The following ZNF407 variants were observed in gnomAD, a reference collection of about 807,000 sequenced individuals.
ZNF407 encodes the protein zinc finger protein 407.
In ZNF407, 17 loss-of-function variants were observed where a neutral mutation model predicts 131.2. The observed-to-expected ratio is 0.13, with a 90% CI of 0.09 to 0.19. The LOEUF (loss-of-function observed/expected upper bound fraction) is 0.19. Among genes scored for constraint, ZNF407 ranks in the 10% least tolerant of loss-of-function variants. ZNF407 has a pLI of 1.00. For synonymous variants in ZNF407, 1,156 were observed against 1,062.0 expected (o/e 1.09, Z -1.72); for missense variants, 2,681 against 2,830.6 (o/e 0.95, Z 1.20).
chr18:74,969,984 G>A (rs1448941139), intron 8 of ZNF407, among the ~76,000 whole-genome samples: 2 of 152,120 alleles, frequency 1.3e-5, no homozygotes, highest in Admixed American at 6.5e-5. Context: ...ACAGTCTGGG[G>A]AGGTCTCAGA....
At chr18:74,943,937 A>G (rs1053722291) in intron 8 of ZNF407, among the ~76,000 whole-genome samples, 1 of 152,248 alleles carries the variant, frequency 6.6e-6, no homozygotes, top group African/African-American at 2.4e-5. Flanking sequence ...ATTATGCTAG[A>G]TATTACCTGT....
chr18:74,744,189 T>C (rs1302942368), intron 3 of ZNF407, among the ~76,000 whole-genome samples: 1 of 152,188 alleles, frequency 6.6e-6, no homozygotes, highest in Non-Finnish European at 1.5e-5. Flanking sequence ...TTATGTGTCA[T>C]CTACTTCGCT....
chr18:74,602,300 G>T (rs2144602947), intron 1 of ZNF407, among the ~76,000 whole-genome samples: 1 of 152,344 alleles, frequency 6.6e-6, no homozygotes, highest in East Asian at 1.9e-4. Flanking sequence ...GCGGGAGAAG[G>T]TAGAGAGAGA....
At chr18:74,844,546 A>G (rs1970676930) in intron 4 of ZNF407, among the ~76,000 whole-genome samples, 2 of 152,222 alleles carry the variant, frequency 1.3e-5, no homozygotes, top group South Asian at 2.1e-4. Flanking sequence ...TTAAATTAAT[A>G]CTTGTATTCA....
At chr18:74,835,624 A>G (rs927443834) in intron 4 of ZNF407, among the ~76,000 whole-genome samples, 12 of 64,720 alleles carry the variant, frequency 1.9e-4, no homozygotes, top group Admixed American at 3.6e-4. Context: ...TCTTGGACAG[A>G]GGGGGGTGTG....
At chr18:74,645,564 G>T (rs1448678633) in intron 3 of ZNF407, among the ~76,000 whole-genome samples, 1 of 151,914 alleles carries the variant, frequency 6.6e-6, no homozygotes, top group African/African-American at 2.4e-5. Flanking sequence ...GTGTATTAAT[G>T]TGCTTATGAA....
At chr18:74,857,557 AAC>A (rs1001094352) in intron 4 of ZNF407, among the ~76,000 whole-genome samples, 11 of 152,166 alleles carry the variant, frequency 7.2e-5, no homozygotes, top group African/African-American at 1.7e-4. Flanking sequence ...GAAAATGGAT[AAC>A]ACATTCTAAA....
chr18:74,757,065 A>G (rs1279679677), intron 3 of ZNF407, among the ~76,000 whole-genome samples: 3 of 151,794 alleles, frequency 2.0e-5, no homozygotes, highest in Non-Finnish European at 4.4e-5. Context: ...ATTTGTTGAT[A>G]TTGCCTATTT....
rs117434191 is a variant in ZNF407, at chr18:75,013,639, A to G, written c.5429-49511A>G. On this transcript the variant is annotated intron_variant, in intron 8 of 8. Transcript: ENST00000299687. The stretch of plus-strand genomic sequence containing the variant: ...GAGGATTGCTATTGTGGTTTAAGGG[A>G]GCATAATTTATTCCATCAGAGTACA... Among the ~76,000 whole-genome samples the G allele has an allele frequency of 7.8e-3, 1,187 of 152,194 alleles. 10 individuals are homozygous for G. Among genetic ancestry groups the G allele is most frequent in the South Asian group, 0.024 (117 of 4,824 alleles).
chr18:74,642,017 A>G (rs1984744226), intron 3 of ZNF407, among the ~76,000 whole-genome samples: 1 of 15,790 alleles, frequency 6.3e-5, no homozygotes, highest in Non-Finnish European at 1.2e-4. Flanking sequence ...CACATATTAT[A>G]TTAGGTTTTT....
At chr18:74,876,979 G>A (rs1170096304) in intron 4 of ZNF407, among the ~76,000 whole-genome samples, 3 of 152,168 alleles carry the variant, frequency 2.0e-5, no homozygotes, top group East Asian at 1.9e-4. Context: ...TTTCAAACCC[G>A]TTGGGCCCAA....
At chr18:74,812,619 C>G (rs926985571) in intron 4 of ZNF407, among the ~76,000 whole-genome samples, 2 of 152,060 alleles carry the variant, frequency 1.3e-5, no homozygotes, top group African/African-American at 4.8e-5. Flanking sequence ...GTTTGATTAG[C>G]TTCTTGAATG....
intron 3 of ZNF407, among the ~76,000 whole-genome samples, chr18:74,752,439 A>T (rs1452755813): frequency 3.3e-5 from 5 of 152,124 alleles, no homozygotes; most frequent in Non-Finnish European, 7.4e-5. Flanking sequence ...TTAGTCATGA[A>T]GTCCTTGCCC....
At chr18:74,688,282 A>G (rs1046658949) in intron 3 of ZNF407, among the ~76,000 whole-genome samples, 1 of 152,252 alleles carries the variant, frequency 6.6e-6, no homozygotes, top group African/African-American at 2.4e-5. Flanking sequence ...TGAAAAGAAT[A>G]CACAACAAAT....
chr18:74,606,461 C>T (rs1456544807), intron 1 of ZNF407, among the ~76,000 whole-genome samples: 3 of 152,210 alleles, frequency 2.0e-5, no homozygotes, highest in East Asian at 1.9e-4. Flanking sequence ...AGGCTGATCT[C>T]GAGCTCCTGG....
chr18:74,883,223 C>CTT (rs907432498), intron 6 of ZNF407, among the ~76,000 whole-genome samples: 2 of 152,186 alleles, frequency 1.3e-5, no homozygotes, highest in African/African-American at 4.8e-5. Context: ...AAACATGATT[C>CTT]TTTAACACCA....
intron 4 of ZNF407, among the ~76,000 whole-genome samples, chr18:74,866,493 T>C (rs1427620350): frequency 6.6e-6 from 1 of 152,088 alleles, no homozygotes; most frequent in Non-Finnish European, 1.5e-5. Flanking sequence ...TCACACACAG[T>C]CACCATCAGA....
intron 8 of ZNF407, among the ~76,000 whole-genome samples, chr18:74,974,080 T>C (rs1217445616): frequency 6.6e-6 from 1 of 152,204 alleles, no homozygotes; most frequent in East Asian, 1.9e-4. Flanking sequence ...TATATATAAG[T>C]ATTCAGATGT....
intron 8 of ZNF407, among the ~76,000 whole-genome samples, chr18:75,057,259 G>GT (rs940178294): frequency 3.3e-5 from 5 of 152,326 alleles, no homozygotes; most frequent in Middle Eastern, 6.8e-3. Context: ...CAACAGAGTG[G>GT]TTTACATAGG....
Sources: allele counts gnomAD v4.1 joint callset (sites outside exome capture counted in the v4.1 genomes callset), GRCh38; gene constraint gnomAD v4.1.1; transcripts MANE v1.5; gene names NCBI Gene and HGNC (gene_info 2026-07-23, HGNC 2026-07-21).